Variants in MACROD2 observed in about 807,000 individuals in gnomAD.
MACROD2 encodes ADP-ribose glycohydrolase MACROD2.
MACROD2 carries 36 observed loss-of-function variants against 70.4 expected under a neutral mutation model. The ratio of observed to expected loss-of-function variants is 0.51; its 90% confidence interval spans 0.39 to 0.68. The LOEUF (loss-of-function observed/expected upper bound fraction) is 0.68, where lower values mean the gene tolerates loss of function less well. Ranked by LOEUF, MACROD2 falls within the 30% of genes least tolerant of loss-of-function variation. The pLI, the probability that MACROD2 is intolerant of heterozygous loss-of-function variation, is 0.00. For synonymous variants in MACROD2, 172 were observed against 178.8 expected (o/e 0.96, Z 0.30); for missense variants, 496 against 538.4 (o/e 0.92, Z 0.78).
At chr20:15,480,344 A>G (rs1021589458) in intron 7 of MACROD2, among the ~76,000 whole-genome samples, 7 of 152,128 alleles carry the variant, frequency 4.6e-5, no homozygotes, top group African/African-American at 1.2e-4. Context: ...CCTCATAACC[A>G]TAGTCACTTT....
chr20:14,714,795 C>T (rs1037682096), intron 5 of MACROD2, among the ~76,000 whole-genome samples: 4 of 152,184 alleles, frequency 2.6e-5, no homozygotes, highest in African/African-American at 9.7e-5. Flanking sequence ...AGAAGGGTCT[C>T]ACAGCTCCAA....
chr20:14,071,670 A>G (rs1264567696), intron 2 of MACROD2, among the ~76,000 whole-genome samples: 2 of 152,228 alleles, frequency 1.3e-5, no homozygotes, highest in African/African-American at 4.8e-5. Flanking sequence ...TTGTTCCAAC[A>G]GGATTACATG....
rs78931341 is a variant in MACROD2, at chr20:15,405,633, G to A, written c.541-25772G>A. 3.9e-3 allele frequency among the ~76,000 whole-genome samples: 599 copies of A among 152,230 alleles called. 5 individuals carry two copies. The highest frequency in any genetic ancestry group is 0.014 in the African/African-American group (579 of 41,544). On this transcript the variant is annotated intron_variant, in intron 6 of 17. Transcript: ENST00000684519. ...GGACTTTGCACTTGTACTCCTTTCT[G>A]TGGGAATCCTGTTTCTTTACTCCTC...
At chr20:14,098,624 C>T (rs1042774501) in intron 3 of MACROD2, among the ~76,000 whole-genome samples, 41 of 152,024 alleles carry the variant, frequency 2.7e-4, no homozygotes, top group African/African-American at 8.2e-4. Context: ...TTTTATTCAC[C>T]TCTACTTGCT....
intron 5 of MACROD2, among the ~76,000 whole-genome samples, chr20:15,097,274 T>C (rs565215771): frequency 9.8e-5 from 15 of 152,328 alleles, no homozygotes; most frequent in South Asian, 4.1e-4. Flanking sequence ...TTTTGCATTG[T>C]ACTATTTGTT....
rs1270973624 is a variant in MACROD2 at position 15,751,936 on chromosome 20, G to A, written c.646-110809G>A. 2.6e-5 allele frequency among the ~76,000 whole-genome samples: 4 copies of A among 151,396 alleles called. No individual in the cohort carries two copies. The East Asian group carries it at 7.8e-4, about 29-fold the overall frequency. ...CTGTGAATAAAAGAATGAGGTACAT[G>A]GCTTCCATTTCTATTACTCTCCACT... is the stretch of plus-strand genomic sequence containing the variant. On this transcript the variant is annotated intron_variant, in intron 8 of 17. Coordinates refer to ENST00000684519, the MANE Select transcript of MACROD2 (RefSeq NM_001351661.2).
intron 4 of MACROD2, among the ~76,000 whole-genome samples, chr20:14,531,955 G>A (rs910845103): frequency 4.6e-5 from 7 of 152,058 alleles, no homozygotes; most frequent in Admixed American, 4.6e-4. Context: ...CTCATTAAAC[G>A]TTCCTCTCAG....
intron 5 of MACROD2, among the ~76,000 whole-genome samples, chr20:15,174,020 G>A (rs992658914): frequency 2.0e-5 from 3 of 152,164 alleles, no homozygotes; most frequent in African/African-American, 7.2e-5. Flanking sequence ...AAGTCTGAGT[G>A]CAGCATAATT....
intron 13 of MACROD2, among the ~76,000 whole-genome samples, chr20:15,980,517 A>G (rs1302097147): frequency 6.6e-6 from 1 of 152,204 alleles, no homozygotes; most frequent in Non-Finnish European, 1.5e-5. Context: ...TTAAAGAAGC[A>G]CAGGTAGCAA....
intron 3 of MACROD2, among the ~76,000 whole-genome samples, chr20:14,393,349 T>C (rs2083548010): frequency 2.0e-5 from 3 of 152,208 alleles, no homozygotes. Flanking sequence ...GCAAGTTCTT[T>C]ATGATCTAAC....
intron 7 of MACROD2, among the ~76,000 whole-genome samples, chr20:15,485,306 T>C (rs548803195): frequency 6.6e-6 from 1 of 152,226 alleles, no homozygotes; most frequent in East Asian, 1.9e-4. Flanking sequence ...TGCTTCAATC[T>C]ACACAAAAGC....
chr20:14,889,945 G>A (rs2073731984), intron 5 of MACROD2, among the ~76,000 whole-genome samples: 1 of 152,102 alleles, frequency 6.6e-6, no homozygotes, highest in African/African-American at 2.4e-5. Context: ...CAATAATCTG[G>A]GAGACAGCTG....
chr20:14,451,091 G>A (rs1165670271), intron 3 of MACROD2, among the ~76,000 whole-genome samples: 3 of 152,066 alleles, frequency 2.0e-5, no homozygotes, highest in Non-Finnish European at 4.4e-5. Flanking sequence ...CTGGTCCCAG[G>A]AAGCACTGGT....
intron 5 of MACROD2, among the ~76,000 whole-genome samples, chr20:15,035,528 G>A (rs1186590147): frequency 6.6e-6 from 1 of 152,068 alleles, no homozygotes; most frequent in African/African-American, 2.4e-5. Context: ...CTTATCTCAA[G>A]CCAGCAACTC....
intron 3 of MACROD2, among the ~76,000 whole-genome samples, chr20:14,297,224 G>A (rs2082435197): frequency 1.3e-5 from 2 of 151,562 alleles, no homozygotes; most frequent in Admixed American, 1.3e-4. Context: ...ATTAAAATTA[G>A]GCCAATTAAT....
intron 5 of MACROD2, among the ~76,000 whole-genome samples, chr20:14,702,240 A>G (rs935104247): frequency 6.6e-6 from 1 of 151,984 alleles, no homozygotes; most frequent in Non-Finnish European, 1.5e-5. Flanking sequence ...AGAATTTTAA[A>G]CATATTAACA....
chr20:15,703,830 G>A (rs1462676546), intron 8 of MACROD2, among the ~76,000 whole-genome samples: 1 of 152,174 alleles, frequency 6.6e-6, no homozygotes, highest in East Asian at 1.9e-4. Context: ...TCATGCCACG[G>A]AGGCTACTCC....
chr20:14,920,326 A>G (rs1385633514), intron 5 of MACROD2, among the ~76,000 whole-genome samples: 1 of 152,120 alleles, frequency 6.6e-6, no homozygotes, highest in East Asian at 1.9e-4. Context: ...GTTGGGTAAA[A>G]TTGTTACAGA....
chr20:15,534,437 G>T (rs1205264254), intron 8 of MACROD2, among the ~76,000 whole-genome samples: 1 of 152,098 alleles, frequency 6.6e-6, no homozygotes, highest in Non-Finnish European at 1.5e-5. Flanking sequence ...CCATTGGTTG[G>T]TTTTAAAATA....
Sources: gnomAD v4.1 joint callset for allele counts (sites outside exome capture counted in the v4.1 genomes callset) on GRCh38, gnomAD v4.1.1 for gene constraint, MANE v1.5 for transcripts, NCBI Gene and HGNC (gene_info 2026-07-23, HGNC 2026-07-21) for gene names.